The following NEBL variants were observed in gnomAD, a reference collection of about 807,000 sequenced individuals.
The protein encoded by NEBL is nebulette.
In NEBL, 122 loss-of-function variants were observed where a neutral mutation model predicts 140.2. The observed-to-expected ratio is 0.87, with a 90% CI of 0.75 to 1.01. The LOEUF is 1.01. Among genes scored for constraint, NEBL ranks in the 50% least tolerant of loss-of-function variants. NEBL has a pLI of 0.00. For synonymous variants in NEBL, 436 were observed against 398.9 expected, an observed-to-expected ratio of 1.09 and a Z score of -1.11; for missense variants, 1,365 against 1,231.3, an observed-to-expected ratio of 1.11 and a Z score of -1.62.
intron 2 of NEBL, among the ~76,000 whole-genome samples, chr10:21,089,095 T>C (rs906717217): frequency 2.6e-5 from 4 of 151,994 alleles, no homozygotes; most frequent in Admixed American, 1.3e-4. Context: ...GGAGGTCAAG[T>C]TGATTAGACA....
chr10:20,886,669 G>A (rs945643855), intron 4 of NEBL, among the ~76,000 whole-genome samples: 17 of 152,160 alleles, frequency 1.1e-4, no homozygotes, highest in Non-Finnish European at 2.1e-4. Flanking sequence ...ATGTGCCGGC[G>A]CTGCCATTTA....
chr10:20,989,093 C>A (rs561418292), intron 3 of NEBL, among the ~76,000 whole-genome samples: 1 of 152,284 alleles, frequency 6.6e-6, no homozygotes, highest in Admixed American at 6.5e-5. Flanking sequence ...CTGCCAGAAT[C>A]TGATTTGTCA....
chr10:21,136,419 T>C (rs1341862880), intron 2 of NEBL, among the ~76,000 whole-genome samples: 5 of 152,062 alleles, frequency 3.3e-5, no homozygotes, highest in Admixed American at 3.3e-4. Flanking sequence ...GTTTCAAACT[T>C]CTGGGTCCAA....
intron 1 of NEBL, among the ~76,000 whole-genome samples, chr10:21,256,658 C>T (rs1842663579): frequency 6.6e-6 from 1 of 152,102 alleles, no homozygotes; most frequent in Admixed American, 6.6e-5. Context: ...TAGTGAGACC[C>T]TGTCTCTAAA....
At chr10:21,008,749 T>C (rs1051237619) in intron 3 of NEBL, among the ~76,000 whole-genome samples, 1 of 152,182 alleles carries the variant, frequency 6.6e-6, no homozygotes, top group Admixed American at 6.5e-5. Context: ...TTAAGCTTTA[T>C]TGTAGATATA....
At chr10:21,089,952 T>G (rs950687568) in intron 2 of NEBL, among the ~76,000 whole-genome samples, 3 of 152,184 alleles carry the variant, frequency 2.0e-5, no homozygotes, top group African/African-American at 7.2e-5. Flanking sequence ...GTGTGTCACA[T>G]ATGCAGAACG....
At position 21,143,373 on chromosome 10, in the gene NEBL, C is replaced by T. The variant is rs11012545; in HGVS notation, c.164+29010G>A. 6.6e-5 allele frequency among the ~76,000 whole-genome samples: 9 copies of T among 135,568 alleles called. 1 individual carries two copies. Among genetic ancestry groups the T allele is most frequent in the African/African-American group, 1.7e-4 (6 of 34,782 alleles). The allele number at this position is 135,568 out of a possible 152,430, so 88.9% of individuals were successfully genotyped here. On this transcript the variant is annotated intron_variant, in intron 2 of 6. Coordinates refer to the NEBL transcript ENST00000417816. ...CTGAGGCAGGAGAATAGCTTGAACCCGGGACGTGGAGGTTGCAGAGAGCTG... is the reference window on the plus strand; with the variant it reads ...CTGAGGCAGGAGAATAGCTTGAACCTGGGACGTGGAGGTTGCAGAGAGCTG...
chr10:21,278,913 C>G (rs1332639658), intron 1 of NEBL, among the ~76,000 whole-genome samples: 1 of 152,098 alleles, frequency 6.6e-6, no homozygotes, highest in African/African-American at 2.4e-5. Flanking sequence ...GGGCGCTATA[C>G]CCCTTGTATT....
intron 10 of NEBL, among the ~76,000 whole-genome samples, 197 bp from the exon 11 acceptor site, chr10:20,850,699 G>T (rs900303342): frequency 3.3e-5 from 5 of 152,040 alleles, no homozygotes; most frequent in African/African-American, 1.2e-4. Flanking sequence ...ATATCTTAAG[G>T]GATAAAAATA....
At chr10:20,786,761 C>A (rs752455532) in intron 27 of NEBL, among the ~76,000 whole-genome samples, 2 of 152,188 alleles carry the variant, frequency 1.3e-5, no homozygotes, top group Non-Finnish European at 2.9e-5. Flanking sequence ...AAGTTTTACA[C>A]TGAATATATG....
rs561521823 is a variant in NEBL, at chr10:20,868,780, T to C, written c.583-15A>G. The C allele has an allele frequency of 1.3e-5, 20 of 1,535,108 alleles. No individual in the cohort carries two copies. In the Admixed American group the frequency reaches 3.0e-4, roughly 23 times the overall value. Reference sequence around the variant, plus strand: ...TTGTATTCTGCCTAAAATGAATAAATAAGACAATGTTAAATATTTCTACCC... The same window carrying C: ...TTGTATTCTGCCTAAAATGAATAAACAAGACAATGTTAAATATTTCTACCC... On this transcript the variant is annotated splice_polypyrimidine_tract_variant and intron_variant, in intron 6 of 27. Coordinates refer to ENST00000377122, the MANE Select transcript of NEBL (RefSeq NM_006393.3).
At chr10:20,900,498 T>C (rs976803725), upstream of NEBL, among the ~76,000 whole-genome samples, 1 of 151,658 alleles carries the variant, frequency 6.6e-6, no homozygotes, top group African/African-American at 2.4e-5. Flanking sequence ...ACCAACATGG[T>C]CAAACCCCGT....
chr10:21,020,082 G>A (rs1478976328), intron 3 of NEBL: 1 of 1,551,886 alleles, frequency 6.4e-7, no homozygotes, highest in South Asian at 1.1e-5. Context: ...AAATCTTTAG[G>A]GCCAAGGGAA....
intron 3 of NEBL, among the ~76,000 whole-genome samples, chr10:21,188,273 C>A (rs1841510251): frequency 6.6e-6 from 1 of 152,152 alleles, no homozygotes; most frequent in South Asian, 2.1e-4. Flanking sequence ...CATGCCCAAT[C>A]AGAAATCGGA....
At chr10:20,851,595 GA>G (rs1156994683) in intron 10 of NEBL, among the ~76,000 whole-genome samples, 2 of 147,436 alleles carry the variant, frequency 1.4e-5, no homozygotes, top group African/African-American at 5.0e-5. Flanking sequence ...CCAATATAGT[GA>G]AACCCCGTCT....
intron 2 of NEBL, chr10:21,029,239 C>CT: frequency 6.5e-7 from 1 of 1,532,440 alleles, no homozygotes; most frequent in Non-Finnish European, 9.0e-7. Flanking sequence ...ACCGGCTGCT[C>CT]GGGAACCCAA....
chr10:20,836,001 T>C (rs1476424741), intron 13 of NEBL, among the ~76,000 whole-genome samples: 3 of 152,320 alleles, frequency 2.0e-5, no homozygotes, highest in African/African-American at 7.2e-5. Context: ...TTCTTAACCT[T>C]TCCAGTTTAC....
chr10:21,008,756 T>C (rs570044736), intron 3 of NEBL, among the ~76,000 whole-genome samples: 15 of 152,288 alleles, frequency 9.8e-5, no homozygotes, highest in African/African-American at 3.6e-4. Flanking sequence ...TTATTGTAGA[T>C]ATATACACAT....
intron 3 of NEBL, among the ~76,000 whole-genome samples, chr10:20,974,257 T>C (rs959453340): frequency 1.2e-4 from 18 of 151,920 alleles, no homozygotes; most frequent in African/African-American, 4.3e-4. Flanking sequence ...TTTTTCTTTT[T>C]TTTTTTTTTT....
Sources: gnomAD v4.1 joint callset for allele counts (sites outside exome capture counted in the v4.1 genomes callset) on GRCh38, gnomAD v4.1.1 for gene constraint, MANE v1.5 for transcripts, NCBI Gene and HGNC (gene_info 2026-07-23, HGNC 2026-07-21) for gene names.